SLC1A2: variants seen among roughly 807,000 people sequenced by gnomAD.
SLC1A2 encodes the protein solute carrier family 1 member 2.
In SLC1A2, 15 loss-of-function variants were observed where a neutral mutation model predicts 48.8. That is an observed-to-expected ratio of 0.31 (90% confidence interval 0.21 to 0.47). The LOEUF is 0.47. SLC1A2 is among the 20% of genes least tolerant of loss of function. The pLI, the probability that SLC1A2 is intolerant of heterozygous loss-of-function variation, is 0.99. For synonymous variants in SLC1A2, 279 were observed against 272.6 expected (o/e 1.02, Z -0.23); for missense variants, 502 against 730.5 (o/e 0.69, Z 3.61).
At chr11:35,377,974 A>C (rs1854297531) in intron 1 of SLC1A2, among the ~76,000 whole-genome samples, 1 of 152,256 alleles carries the variant, frequency 6.6e-6, no homozygotes, top group Non-Finnish European at 1.5e-5. Context: ...AAATACTTGC[A>C]CATGGCAAAT....
intron 1 of SLC1A2, among the ~76,000 whole-genome samples, chr11:35,339,643 T>C (rs1486721909): frequency 6.6e-6 from 1 of 152,180 alleles, no homozygotes; most frequent in Non-Finnish European, 1.5e-5. Flanking sequence ...TTAATGATTT[T>C]CAACCATGAG....
intron 1 of SLC1A2, among the ~76,000 whole-genome samples, chr11:35,395,319 C>G (rs1028327232): frequency 6.6e-6 from 1 of 151,850 alleles, no homozygotes; most frequent in East Asian, 1.9e-4. Flanking sequence ...TCTCTCTCTC[C>G]CTCTCTTTTT....
rs964990318 is a variant in SLC1A2 at position 35,255,019 on chromosome 11, C to T, written c.*5875G>A. 3.4e-6 allele frequency: 1 copy of T among 291,082 alleles called. No individual in the cohort carries two copies. The allele number at this position is 291,082 out of a possible 1,614,324, so 18.0% of individuals were successfully genotyped here. ...TGAAGAAATTGTGTTTATCTTGCTG[C>T]CCTTGCATCAGGTTTTTTGCACTAA... On this transcript the variant is annotated 3_prime_UTR_variant, in exon 11 of 11. Coordinates refer to ENST00000278379, the MANE Select transcript of SLC1A2 (RefSeq NM_004171.4).
At position 35,272,584 on chromosome 11, in the gene SLC1A2, T is replaced by A. The variant is rs141252387; in HGVS notation, c.1422-6826A>T. 5.2e-4 allele frequency among the ~76,000 whole-genome samples: 79 copies of A among 152,320 alleles called. No homozygotes were observed. The East Asian group carries it at 0.012, about 24-fold the overall frequency. On this transcript the variant is annotated intron_variant, in intron 9 of 10. Coordinates refer to ENST00000278379, the MANE Select transcript of SLC1A2 (RefSeq NM_004171.4). ...GGGGCCCAAGGCAGGACATGGGAGT[T>A]TGTGGTTCATGTGTGGAAAGTTTCT... is the stretch of plus-strand genomic sequence containing the variant.
At chr11:35,278,142 C>T (rs186317958) in intron 9 of SLC1A2, among the ~76,000 whole-genome samples, 157 of 152,294 alleles carry the variant, frequency 1.0e-3, no homozygotes, top group African/African-American at 3.3e-3. Flanking sequence ...TGTCACCTTC[C>T]GCTAAAGGTA....
intron 1 of SLC1A2, among the ~76,000 whole-genome samples, chr11:35,340,039 A>G (rs1483631889): frequency 6.6e-6 from 1 of 152,240 alleles, no homozygotes. Flanking sequence ...CCATTTCCTC[A>G]GGCTTTCTTG....
intron 1 of SLC1A2, among the ~76,000 whole-genome samples, chr11:35,319,860 G>A (rs138192497): frequency 5.5e-4 from 84 of 152,292 alleles, no homozygotes; most frequent in African/African-American, 1.8e-3. Context: ...GAGAATTCTC[G>A]TGAGTTACCC....
At chr11:35,364,932 G>A (rs1303424422) in intron 1 of SLC1A2, among the ~76,000 whole-genome samples, 4 of 152,230 alleles carry the variant, frequency 2.6e-5, no homozygotes, top group Admixed American at 2.0e-4. Flanking sequence ...AGAAAATGGA[G>A]AAAAAGAAGT....
chr11:35,360,075 G>C, intron 1 of SLC1A2: 1 of 985,258 alleles, frequency 1.0e-6, no homozygotes, highest in African/African-American at 1.7e-5. Flanking sequence ...GAACGTGCTG[G>C]TCACGTAGTG....
intron 1 of SLC1A2, among the ~76,000 whole-genome samples, chr11:35,331,793 C>A (rs959136642): frequency 1.3e-5 from 2 of 152,148 alleles, no homozygotes; most frequent in Non-Finnish European, 2.9e-5. Flanking sequence ...TTTTCCTGAG[C>A]CCCCAATCTA....
intron 1 of SLC1A2, among the ~76,000 whole-genome samples, chr11:35,376,731 A>G (rs935786528): frequency 6.6e-6 from 1 of 152,202 alleles, no homozygotes; most frequent in Non-Finnish European, 1.5e-5. Context: ...TAAGCCGGCA[A>G]TGGTTACATT....
intron 1 of SLC1A2, chr11:35,322,980 C>T (rs1852123720): frequency 1.7e-6 from 1 of 572,722 alleles, no homozygotes; most frequent in Non-Finnish European, 3.1e-6. Flanking sequence ...AGATGTTTAC[C>T]AACCAAGATG....
intron 1 of SLC1A2, among the ~76,000 whole-genome samples, chr11:35,371,430 A>G (rs567527099): frequency 1.3e-5 from 2 of 152,288 alleles, no homozygotes; most frequent in East Asian, 1.9e-4. Flanking sequence ...TTGGTGACCA[A>G]TGGCCACTGG....
At chr11:35,295,747 A>G (rs1240608669) in intron 6 of SLC1A2, among the ~76,000 whole-genome samples, 1 of 152,124 alleles carries the variant, frequency 6.6e-6, no homozygotes, top group Non-Finnish European at 1.5e-5. Flanking sequence ...TTACTACTGT[A>G]TCCATTCTAG....
At chr11:35,321,191 G>T (rs976257758) in intron 1 of SLC1A2, among the ~76,000 whole-genome samples, 2 of 152,154 alleles carry the variant, frequency 1.3e-5, no homozygotes, top group African/African-American at 4.8e-5. Context: ...CAGCATGAGG[G>T]TAACTGCCCC....
Position 35,260,766 on chromosome 11 carries a change from G to A in SLC1A2, c.*128C>T, listed in dbSNP as rs969315579. ...ACTCACAAGAGCTCCTCTAAGCCTCGGCTAACAGATTAAGTAAACATAGAA... is the reference window on the plus strand; with the variant it reads ...ACTCACAAGAGCTCCTCTAAGCCTCAGCTAACAGATTAAGTAAACATAGAA... On this transcript the variant is annotated 3_prime_UTR_variant, in exon 11 of 11. Coordinates refer to ENST00000278379, the MANE Select transcript of SLC1A2 (RefSeq NM_004171.4). 44 of 715,852 alleles carry A rather than the reference G, an allele frequency of 6.1e-5. No homozygotes were observed. Among genetic ancestry groups the A allele is most frequent in the South Asian group, 1.7e-4 (10 of 58,920 alleles). 44.3% of individuals were successfully genotyped at this position (715,852 alleles called of 1,614,324 possible).
At chr11:35,338,558 G>A (rs1446715980) in intron 1 of SLC1A2, among the ~76,000 whole-genome samples, 2 of 152,138 alleles carry the variant, frequency 1.3e-5, no homozygotes, top group South Asian at 2.1e-4. Context: ...GGAAGGAGGA[G>A]CTCTTCTTTG....
chr11:35,347,074 A>G (rs1205353279), intron 1 of SLC1A2, among the ~76,000 whole-genome samples: 1 of 152,252 alleles, frequency 6.6e-6, no homozygotes, highest in African/African-American at 2.4e-5. Context: ...AAAGCTAGAA[A>G]AAGCTGAGGG....
intron 1 of SLC1A2, among the ~76,000 whole-genome samples, chr11:35,370,633 G>T (rs1333510040): frequency 6.6e-6 from 1 of 152,064 alleles, no homozygotes; most frequent in Non-Finnish European, 1.5e-5. Context: ...TTTCATGAGA[G>T]GTAGAGAGCA....
Sources: gnomAD v4.1 joint callset for allele counts (sites outside exome capture counted in the v4.1 genomes callset) on GRCh38, gnomAD v4.1.1 for gene constraint, MANE v1.5 for transcripts, NCBI Gene and HGNC (gene_info 2026-07-23, HGNC 2026-07-21) for gene names.